Variants in LRBA observed in about 807,000 individuals in gnomAD.
LRBA encodes the protein lipopolysaccharide-responsive and beige-like anchor protein.
In LRBA, 176 loss-of-function variants were observed where a neutral mutation model predicts 330.0. The observed-to-expected ratio is 0.53, with a 90% CI of 0.47 to 0.60. The LOEUF is 0.60. Among genes scored for constraint, LRBA ranks in the 20% least tolerant of loss-of-function variants. The pLI is 0.00. For synonymous variants in LRBA, 1,230 were observed against 1,193.0 expected (o/e 1.03, Z -0.64); for missense variants, 3,259 against 3,444.8 (o/e 0.95, Z 1.35).
intron 40 of LRBA, chr4:150,584,109 G>A: frequency 6.6e-7 from 1 of 1,521,964 alleles, no homozygotes; most frequent in Non-Finnish European, 8.8e-7. Flanking sequence ...ACAAACTATA[G>A]GGTGCTGGGG....
chr4:150,664,470 T>C (rs961198589), intron 37 of LRBA, among the ~76,000 whole-genome samples: 10 of 152,172 alleles, frequency 6.6e-5, no homozygotes, highest in African/African-American at 2.4e-4. Flanking sequence ...ACTTCTTTAT[T>C]TCTCCATTTA....
chr4:150,499,833 C>T (rs1387035096), intron 40 of LRBA, among the ~76,000 whole-genome samples: 1 of 152,044 alleles, frequency 6.6e-6, no homozygotes, highest in Non-Finnish European at 1.5e-5. Context: ...GCCAATTCTT[C>T]CTTCATGAAC....
chr4:150,446,053 A>G (rs1345630972), intron 44 of LRBA, among the ~76,000 whole-genome samples: 3 of 152,180 alleles, frequency 2.0e-5, no homozygotes, highest in African/African-American at 7.2e-5. Flanking sequence ...AAGGGAAATA[A>G]GCCAAGCACA....
At chr4:150,395,979 T>C (rs1244817029) in intron 47 of LRBA, among the ~76,000 whole-genome samples, 1 of 152,292 alleles carries the variant, frequency 6.6e-6, no homozygotes, top group Non-Finnish European at 1.5e-5. Context: ...ACTATTATGA[T>C]GATTAATTTT....
chr4:150,958,721 A>G (rs1737822053), intron 2 of LRBA, among the ~76,000 whole-genome samples: 3 of 148,966 alleles, frequency 2.0e-5, no homozygotes, highest in Middle Eastern at 6.8e-3. Flanking sequence ...ACCTCTCTCA[A>G]GTTCAAAATT....
intron 47 of LRBA, among the ~76,000 whole-genome samples, chr4:150,376,279 T>G (rs550054747): frequency 6.6e-6 from 1 of 152,184 alleles, no homozygotes; most frequent in Non-Finnish European, 1.5e-5. Context: ...TATTAAAATA[T>G]TAGGTAGTTT....
intron 2 of LRBA, among the ~76,000 whole-genome samples, chr4:150,967,752 T>C (rs1182470145): frequency 2.0e-5 from 3 of 152,216 alleles, no homozygotes; most frequent in Non-Finnish European, 4.4e-5. Context: ...ATATTTGTTA[T>C]GATGATCTGG....
In LRBA at chr4:150,335,545, TACACACAC is replaced by T. The variant is rs1208333328; in HGVS notation, c.7363-9655_7363-9648del. The stretch of plus-strand genomic sequence containing the variant: ...TTATATATGTGTGTATATATATATA[TACACACAC>T]ACATATATGTATATATAAAGCACTT... On this transcript the variant is annotated intron_variant, in intron 48 of 56. Transcript: ENST00000651943. Among the ~76,000 whole-genome samples, 4 of 149,282 alleles carry T rather than the reference TACACACAC, an allele frequency of 2.7e-5. No individual in the cohort carries two copies. The East Asian group carries it at 7.8e-4, about 29-fold the overall frequency.
At position 150,443,853 on chromosome 4, in the gene LRBA, A is replaced by AAAAATATATAT. The variant is rs70941406; in HGVS notation, c.6781-6990_6781-6989insATATATATTTT. ...CTAGAACTTAAAGTATAATTAAAAA[A>AAAAATATATAT]ATATATATATATATATATATTTTTT... On this transcript the variant is annotated intron_variant, in intron 44 of 56. Coordinates refer to ENST00000651943, the MANE Select transcript of LRBA (RefSeq NM_001364905.1). Among the ~76,000 whole-genome samples the AAAAATATATAT allele has an allele frequency of 4.6e-3, 349 of 75,358 alleles. 3 individuals are homozygous for AAAAATATATAT. The highest frequency in any genetic ancestry group is 8.0e-3 in the Non-Finnish European group (269 of 33,456). The allele number at this position is 75,358 out of a possible 152,430, so 49.4% of individuals were successfully genotyped here.
chr4:150,848,736 G>A lies in LRBA; in HGVS notation c.4339+82C>T, dbSNP rs1272638182. Reference sequence around the variant, plus strand: ...GCTAACATATATTTTCTCACCAACAGAAGACGGATAATTTTCAATGTCATC... The same window carrying A: ...GCTAACATATATTTTCTCACCAACAAAAGACGGATAATTTTCAATGTCATC... On this transcript the variant is annotated intron_variant, in intron 26 of 56. Coordinates refer to ENST00000651943, the MANE Select transcript of LRBA (RefSeq NM_001364905.1). 1.0e-5 allele frequency: 11 copies of A among 1,078,352 alleles called. No homozygotes were observed. The African/African-American group carries it at 1.6e-4, about 16-fold the overall frequency. The allele number at this position is 1,078,352 out of a possible 1,614,324, so 66.8% of individuals were successfully genotyped here.
intron 2 of LRBA, among the ~76,000 whole-genome samples, chr4:151,009,897 G>A (rs566646792): frequency 1.3e-5 from 2 of 151,066 alleles, no homozygotes; most frequent in Admixed American, 6.6e-5. Context: ...GGAGAATGGC[G>A]TGAACCTGGG....
intron 17 of LRBA, among the ~76,000 whole-genome samples, chr4:150,886,035 T>C (rs1363690743): frequency 6.6e-6 from 1 of 152,120 alleles, no homozygotes; most frequent in African/African-American, 2.4e-5. Context: ...CAGGGGAATT[T>C]TGATCCAACC....
chr4:150,404,214 A>G (rs1292176638), intron 47 of LRBA, among the ~76,000 whole-genome samples: 1 of 152,182 alleles, frequency 6.6e-6, no homozygotes, highest in Non-Finnish European at 1.5e-5. Flanking sequence ...TGAATCTCAC[A>G]TGAAGAAATG....
At chr4:150,915,222 C>T (rs748511255) in intron 8 of LRBA, among the ~76,000 whole-genome samples, 3 of 151,892 alleles carry the variant, frequency 2.0e-5, no homozygotes, top group Non-Finnish European at 4.4e-5. Context: ...AACCTGTAAA[C>T]GTTAACAACA....
At chr4:150,800,781 T>C (rs746270805) in intron 33 of LRBA, among the ~76,000 whole-genome samples, 6 of 152,298 alleles carry the variant, frequency 3.9e-5, no homozygotes, top group African/African-American at 4.8e-5. Context: ...AGTAGAATAA[T>C]AGGGTTTGGT....
chr4:150,355,411 A>ACC (rs1357866059), intron 47 of LRBA, among the ~76,000 whole-genome samples: 1 of 152,096 alleles, frequency 6.6e-6, no homozygotes, highest in Non-Finnish European at 1.5e-5. Context: ...TCTTTGGCTA[A>ACC]ACATTCTCAT....
Position 150,264,519 on chromosome 4 carries a change from A to G in LRBA, c.*1203T>C, listed in dbSNP as rs1034364693. The G allele has an allele frequency of 2.0e-5, 3 of 152,230 alleles. No individual in the cohort carries two copies. Among genetic ancestry groups the G allele is most frequent in the Admixed American group, 1.3e-4 (2 of 15,286 alleles). The allele number at this position is 152,230 out of a possible 1,614,324, so 9.4% of individuals were successfully genotyped here. A position where few individuals can be genotyped will look rare whatever the true frequency, so the allele number is the denominator to read the frequency against. On this transcript the variant is annotated 3_prime_UTR_variant, in exon 57 of 57. Coordinates refer to ENST00000651943, the MANE Select transcript of LRBA (RefSeq NM_001364905.1). ...CAAAAAAGGCATTTCCAACAATTCA[A>G]TTACAGATGCCATTTTATTCAGCTT...
intron 37 of LRBA, among the ~76,000 whole-genome samples, chr4:150,640,912 T>C (rs150339113): frequency 6.6e-6 from 1 of 152,342 alleles, no homozygotes; most frequent in East Asian, 1.9e-4. Flanking sequence ...CCTGCTTTTA[T>C]CTGTTTCTAG....
At chr4:150,296,836 G>A (rs1005014685) in intron 53 of LRBA, among the ~76,000 whole-genome samples, 6 of 152,102 alleles carry the variant, frequency 3.9e-5, no homozygotes, top group Non-Finnish European at 8.8e-5. Flanking sequence ...AGTCTACTAT[G>A]TTGTTCCAGG....
Sources: allele counts gnomAD v4.1 joint callset (sites outside exome capture counted in the v4.1 genomes callset), GRCh38; gene constraint gnomAD v4.1.1; transcripts MANE v1.5; gene names NCBI Gene and HGNC (gene_info 2026-07-23, HGNC 2026-07-21).